The following RASA3 variants were observed in gnomAD, a reference collection of about 807,000 sequenced individuals.
RASA3 encodes the protein ras GTPase-activating protein 3.
Under a neutral mutation model 110.0 loss-of-function variants are expected in RASA3, and 73 were observed. The ratio of observed to expected loss-of-function variants is 0.66; its 90% CI spans 0.55 to 0.81. The LOEUF (loss-of-function observed/expected upper bound fraction) is 0.81, where lower values mean the gene tolerates loss of function less well. Among genes scored for constraint, RASA3 ranks in the 30% least tolerant of loss-of-function variants. The pLI, the probability that RASA3 is intolerant of heterozygous loss-of-function variation, is 0.00. For missense variants in RASA3, 976 were observed against 1,113.2 expected (o/e 0.88, Z 1.75); for synonymous variants, 500 against 451.4 (o/e 1.11, Z -1.37).
At chr13:113,989,897 G>A (rs776044933) in intron 22 of RASA3, among the ~76,000 whole-genome samples, 1 of 152,246 alleles carries the variant, frequency 6.6e-6, no homozygotes, top group Non-Finnish European at 1.5e-5. Flanking sequence ...GTGAGCCCAG[G>A]TGATGTGGTT....
At chr13:114,019,831 G>GCCC (rs202015665) in intron 9 of RASA3, among the ~76,000 whole-genome samples, 5 of 46,296 alleles carry the variant, frequency 1.1e-4, no homozygotes, top group East Asian at 1.1e-3. Context: ...TAGCAGCCCT[G>GCCC]TCAGGTGGGT....
At chr13:114,009,254 G>T in intron 17 of RASA3, 133 bp downstream of exon 17, 2 of 713,504 alleles carry the variant, frequency 2.8e-6, no homozygotes, top group Non-Finnish European at 4.9e-6. Context: ...CGCTGTGAAT[G>T]CACCGAACGC....
intron 23 of RASA3, among the ~76,000 whole-genome samples, chr13:113,979,696 G>A (rs1457939270): frequency 1.3e-5 from 2 of 152,228 alleles, no homozygotes; most frequent in African/African-American, 4.8e-5. Flanking sequence ...TGTGGAATAT[G>A]TAGAGTGTAT....
At position 114,131,114 on chromosome 13, in the gene RASA3, G is replaced by A. The variant is rs577834730; in HGVS notation, c.55+1321C>T. ...CACATCCTAGCTGCAGCGCTTCTGG[G>A]CCAAATATCAAGACAGTGTCTCAGC... On this transcript the variant is annotated intron_variant, in intron 1 of 23. Transcript: ENST00000334062. 2.6e-4 allele frequency among the ~76,000 whole-genome samples: 40 copies of A among 152,326 alleles called. No homozygotes were observed. In the South Asian group the frequency reaches 8.1e-3, roughly 31 times the overall value.
rs1272668811 is a variant in RASA3 at position 114,065,464 on chromosome 13, A to T, written c.173+8256T>A. Among the ~76,000 whole-genome samples, 3 of 152,342 alleles carry T rather than the reference A, an allele frequency of 2.0e-5. No homozygotes were observed. The highest frequency in any genetic ancestry group is 6.5e-5 in the Admixed American group (1 of 15,310). On this transcript the variant is annotated intron_variant, in intron 2 of 23. Coordinates refer to ENST00000334062, the MANE Select transcript of RASA3 (RefSeq NM_007368.4). This position sits in a 1 kb window ranked among gnomAD's most constrained non-coding sequence, Gnocchi z 4.1. Reference sequence around the variant, plus strand: ...GAAGCAGCCCTGGGGCTCCCAAGCCAGCCTCTGGGCTGAGCTCTGCGGTCC... The same window carrying T: ...GAAGCAGCCCTGGGGCTCCCAAGCCTGCCTCTGGGCTGAGCTCTGCGGTCC...
At chr13:114,092,332 G>A (rs2079898330) in intron 1 of RASA3, among the ~76,000 whole-genome samples, 1 of 152,060 alleles carries the variant, frequency 6.6e-6, no homozygotes, top group South Asian at 2.1e-4. Flanking sequence ...CACTGCTTTT[G>A]CTGTATCCCA....
rs1446987025 is a variant in RASA3 at position 114,073,776 on chromosome 13, C to T, written c.117G>A (p.Thr39=). 5.0e-6 allele frequency: 8 copies of T among 1,614,192 alleles called. No homozygotes were observed. The highest frequency in any genetic ancestry group is 1.1e-5 in the South Asian group (1 of 91,082). Residue 39 remains threonine (T), a synonymous_variant, in exon 2 of 24, where the codon ACG becomes ACA. Coordinates refer to ENST00000334062, the MANE Select transcript of RASA3 (RefSeq NM_007368.4). ...GPSKMRDCYC[T]VNLDQEEVFR... is the part of the protein sequence containing the mutation. ...AAACCTCCTCCTGGTCCAGGTTCAC[C>T]GTGCAGTAGCAATCCCTCATCTTGC...
chr13:114,117,039 G>T (rs1311821674), intron 1 of RASA3, among the ~76,000 whole-genome samples: 1 of 142,044 alleles, frequency 7.0e-6, no homozygotes, highest in East Asian at 2.2e-4. Flanking sequence ...CGTGTGAGAG[G>T]GGTGCACGTG....
At chr13:114,028,831 A>G (rs142667915) in intron 5 of RASA3, among the ~76,000 whole-genome samples, 31 of 20,240 alleles carry the variant, frequency 1.5e-3, no homozygotes, top group African/African-American at 4.2e-3. Flanking sequence ...CTAAAACGGC[A>G]TCATCCTGGG....
intron 3 of RASA3, among the ~76,000 whole-genome samples, chr13:114,042,772 T>C (rs1457213957): frequency 6.6e-6 from 1 of 152,236 alleles, no homozygotes; most frequent in African/African-American, 2.4e-5. Context: ...AGCAGCCACA[T>C]GCTTGGGCCT....
chr13:114,043,005 A>G (rs2054447088), intron 3 of RASA3, among the ~76,000 whole-genome samples: 1 of 152,186 alleles, frequency 6.6e-6, no homozygotes, highest in Non-Finnish European at 1.5e-5. Context: ...CCCAGGACGC[A>G]TCTTCCCTCA....
rs114727528 is a variant in RASA3 at position 114,111,002 on chromosome 13, A to C, written c.55+21433T>G. Among the ~76,000 whole-genome samples the C allele has an allele frequency of 5.4e-4, 81 of 150,286 alleles. 1 individual carries two copies. The highest frequency in any genetic ancestry group is 2.0e-3 in the African/African-American group (80 of 39,610). ...GGGCTGCTCAAAGTAAAAAAAAAAA[A>C]AACCTAAAACTGCAACATGGAACGG... is the stretch of plus-strand genomic sequence containing the variant. On this transcript the variant is annotated intron_variant, in intron 1 of 23. Transcript: ENST00000334062.
intron 1 of RASA3, among the ~76,000 whole-genome samples, chr13:114,090,971 T>C (rs1247239519): frequency 2.0e-5 from 3 of 152,174 alleles, no homozygotes; most frequent in Non-Finnish European, 4.4e-5. Flanking sequence ...TATTGTTCAG[T>C]AATACCAGAA....
intron 2 of RASA3, 73 bp from the exon 3 acceptor site, chr13:114,052,228 T>C: frequency 3.0e-6 from 3 of 995,074 alleles, no homozygotes; most frequent in Non-Finnish European, 3.1e-6. Context: ...CACACACGTG[T>C]GGTCTTAGTT....
intron 2 of RASA3, among the ~76,000 whole-genome samples, chr13:114,060,215 G>C (rs575296078): frequency 6.6e-6 from 1 of 152,372 alleles, no homozygotes; most frequent in South Asian, 2.1e-4. Context: ...GGCAGGACCG[G>C]AGCATGCTGG....
rs61973872 is a variant in RASA3, at chr13:114,029,556, C to T, written c.449+255G>A. Among the ~76,000 whole-genome samples the T allele has an allele frequency of 9.8e-4, 79 of 80,292 alleles. 3 individuals carry two copies. The highest frequency in any genetic ancestry group is 1.7e-3 in the Non-Finnish European group (62 of 36,834). The allele number at this position is 80,292 out of a possible 152,430, so 52.7% of individuals were successfully genotyped here. A position where few individuals can be genotyped will look rare whatever the true frequency, so the allele number is the denominator to read the frequency against. On this transcript the variant is annotated intron_variant, in intron 5 of 23. Coordinates refer to ENST00000334062, the MANE Select transcript of RASA3 (RefSeq NM_007368.4). ...CTGGGGGCCAGGACCTCTAAAACAGCATCATCCTGGTGGGCCAGGACCTCT... is the reference window on the plus strand; with the variant it reads ...CTGGGGGCCAGGACCTCTAAAACAGTATCATCCTGGTGGGCCAGGACCTCT...
chr13:114,077,262 G>A (rs996735477), intron 1 of RASA3, among the ~76,000 whole-genome samples: 4 of 152,238 alleles, frequency 2.6e-5, no homozygotes, highest in Non-Finnish European at 5.9e-5. Flanking sequence ...ATCCCCCTGC[G>A]CTGGCGCCAA....
intron 2 of RASA3, among the ~76,000 whole-genome samples, chr13:114,059,173 T>C (rs1476617438): frequency 6.6e-6 from 1 of 152,016 alleles, no homozygotes; most frequent in East Asian, 1.9e-4. Flanking sequence ...CGAGATCCTG[T>C]CTCAAAAAAC....
At position 114,020,840 on chromosome 13, in the gene RASA3, C is replaced by T. The variant is rs555720039; in HGVS notation, c.785+564G>A. Among the ~76,000 whole-genome samples, 291 of 152,312 alleles carry T rather than the reference C, an allele frequency of 1.9e-3. 1 individual carries two copies. Among genetic ancestry groups the T allele is most frequent in the Non-Finnish European group, 3.3e-3 (226 of 68,014 alleles). On this transcript the variant is annotated intron_variant, in intron 9 of 23. Coordinates refer to ENST00000334062, the MANE Select transcript of RASA3 (RefSeq NM_007368.4). ...ATGCGCCCTCAACAGGAGGTGCTGCCGAGGGCCCAGAACAAGACCCGGAGC... is the reference window on the plus strand; with the variant it reads ...ATGCGCCCTCAACAGGAGGTGCTGCTGAGGGCCCAGAACAAGACCCGGAGC...
Sources: allele counts gnomAD v4.1 joint callset (sites outside exome capture counted in the v4.1 genomes callset), GRCh38; gene constraint gnomAD v4.1.1; non-coding constraint Gnocchi (gnomAD v3.1); transcripts MANE v1.5; gene names NCBI Gene and HGNC (gene_info 2026-07-23, HGNC 2026-07-21).